Variants in FRMD4A observed in about 807,000 individuals in gnomAD.
FRMD4A encodes the protein FERM domain-containing protein 4A.
In FRMD4A, 29 loss-of-function variants were observed where a neutral mutation model predicts 129.1. The observed-to-expected ratio is 0.22, with a 90% CI of 0.17 to 0.31. FRMD4A has a LOEUF of 0.31. Ranked by LOEUF, FRMD4A falls within the 10% of genes least tolerant of loss-of-function variation. The probability of loss-of-function intolerance (pLI) is 1.00; values close to 1 mark genes in which losing one functional copy is unlikely to be tolerated. For missense variants in FRMD4A, 1,272 were observed against 1,375.8 expected (o/e 0.92, Z 1.19); for synonymous variants, 634 against 571.6 (o/e 1.11, Z -1.56).
At position 13,821,664 on chromosome 10, in the gene FRMD4A, A is replaced by G. The variant is rs558605344; in HGVS notation, c.112-10756T>C. 3.3e-5 allele frequency among the ~76,000 whole-genome samples: 5 copies of G among 152,314 alleles called. No individual in the cohort carries two copies. Among genetic ancestry groups the G allele is most frequent in the African/African-American group, 1.2e-4 (5 of 41,564 alleles). ...GACACCAGGATTGCCCCCATGTGAT[A>G]GAGGGAACTGAGATACAGCCAGAGA... On this transcript the variant is annotated intron_variant, in intron 3 of 24. Transcript: ENST00000357447. This position sits in a 1 kb window ranked among gnomAD's most constrained non-coding sequence, Gnocchi z 4.3.
chr10:14,006,610 CA>C (rs1188545403), intron 2 of FRMD4A, among the ~76,000 whole-genome samples: 1 of 152,104 alleles, frequency 6.6e-6, no homozygotes. Flanking sequence ...ACTATGTGCT[CA>C]ATGTGGCCAT....
At chr10:14,030,396 A>C (rs1319488183) in intron 2 of FRMD4A, among the ~76,000 whole-genome samples, 10 of 152,248 alleles carry the variant, frequency 6.6e-5, no homozygotes, top group Non-Finnish European at 1.5e-4. Flanking sequence ...TACACCTTAA[A>C]TACATACAAT....
At chr10:14,079,211 A>G (rs910734611) in intron 2 of FRMD4A, among the ~76,000 whole-genome samples, 2 of 152,170 alleles carry the variant, frequency 1.3e-5, no homozygotes, top group African/African-American at 4.8e-5. Flanking sequence ...TGGGGAGTTT[A>G]CATACGGAGG....
At chr10:14,130,600 G>A (rs1434995922) in intron 2 of FRMD4A, among the ~76,000 whole-genome samples, 2 of 152,158 alleles carry the variant, frequency 1.3e-5, no homozygotes, top group Non-Finnish European at 2.9e-5. Flanking sequence ...GGCATGTTTG[G>A]TGTGTAAAAA....
At chr10:13,959,397 G>A (rs534852963) in intron 2 of FRMD4A, among the ~76,000 whole-genome samples, 2 of 142,752 alleles carry the variant, frequency 1.4e-5, no homozygotes, top group East Asian at 2.2e-4. Flanking sequence ...GTTTGAACCC[G>A]GGAGGCAGAG....
intron 2 of FRMD4A, among the ~76,000 whole-genome samples, chr10:14,156,154 G>A (rs1840586100): frequency 6.6e-6 from 1 of 152,170 alleles, no homozygotes; most frequent in Admixed American, 6.5e-5. Context: ...AACGGATCAT[G>A]ACTTGCGGTA....
intron 2 of FRMD4A, among the ~76,000 whole-genome samples, chr10:13,882,900 C>A (rs2094563783): frequency 6.6e-6 from 1 of 151,422 alleles, no homozygotes; most frequent in South Asian, 2.1e-4. Flanking sequence ...GCCTTCTGGG[C>A]TCAAGCAATC....
At chr10:13,726,190 C>T (rs2089876722) in intron 12 of FRMD4A, among the ~76,000 whole-genome samples, 1 of 152,132 alleles carries the variant, frequency 6.6e-6, no homozygotes, top group Non-Finnish European at 1.5e-5. Flanking sequence ...GGGAGGATTG[C>T]TTGAGCCCAG....
chr10:14,016,293 C>T (rs1314303140), intron 2 of FRMD4A, among the ~76,000 whole-genome samples: 1 of 152,218 alleles, frequency 6.6e-6, no homozygotes, highest in Non-Finnish European at 1.5e-5. Context: ...TTCATCATAG[C>T]GAGCATCAGT....
At chr10:14,234,299 G>C (rs1400434915) in intron 2 of FRMD4A, among the ~76,000 whole-genome samples, 1 of 152,138 alleles carries the variant, frequency 6.6e-6, no homozygotes, top group Non-Finnish European at 1.5e-5. Flanking sequence ...TTGAGTCCCT[G>C]GTGAAATGTC....
At chr10:13,867,799 TATAATAA>T (rs914485893) in intron 2 of FRMD4A, among the ~76,000 whole-genome samples, 2 of 134,464 alleles carry the variant, frequency 1.5e-5, no homozygotes, top group East Asian at 3.9e-4. Flanking sequence ...TAATATAATA[TATAATAA>T]ATAATACATA....
chr10:14,055,347 A>C (rs1834459253), intron 2 of FRMD4A, among the ~76,000 whole-genome samples: 1 of 152,064 alleles, frequency 6.6e-6, no homozygotes, highest in South Asian at 2.1e-4. Flanking sequence ...GATGTTTCCC[A>C]TCAAGGCAGT....
chr10:14,255,713 A>G (rs1298859665), intron 2 of FRMD4A, among the ~76,000 whole-genome samples: 1 of 152,114 alleles, frequency 6.6e-6, no homozygotes, highest in Non-Finnish European at 1.5e-5. Flanking sequence ...TTGAGTTTAA[A>G]TTTTGGTTGC....
intron 2 of FRMD4A, among the ~76,000 whole-genome samples, chr10:14,235,419 A>C (rs1018119273): frequency 1.3e-5 from 2 of 152,006 alleles, no homozygotes; most frequent in Non-Finnish European, 2.9e-5. Context: ...AAGTGCTGGG[A>C]TTACAGGCGT....
intron 2 of FRMD4A, among the ~76,000 whole-genome samples, chr10:13,968,936 C>T (rs191704391): frequency 1.7e-4 from 26 of 152,120 alleles, no homozygotes; most frequent in Admixed American, 1.3e-4. Context: ...GCAGTTCTTG[C>T]GTTCTTGGCT....
intron 2 of FRMD4A, among the ~76,000 whole-genome samples, chr10:14,034,827 C>T (rs180777437): frequency 6.6e-6 from 1 of 152,228 alleles, no homozygotes; most frequent in Non-Finnish European, 1.5e-5. Context: ...TGCCTCCCCT[C>T]ATTGGCTTTC....
chr10:13,733,971 C>A (rs1410542178), intron 12 of FRMD4A, among the ~76,000 whole-genome samples: 2 of 152,218 alleles, frequency 1.3e-5, no homozygotes, highest in Non-Finnish European at 2.9e-5. Flanking sequence ...TGAGCTCCAG[C>A]TGAATGCCCA....
chr10:14,014,596 A>G (rs1486468746), intron 2 of FRMD4A, among the ~76,000 whole-genome samples: 5 of 152,176 alleles, frequency 3.3e-5, no homozygotes, highest in Non-Finnish European at 5.9e-5. Context: ...GGCTGCCTAC[A>G]TCCATAATTT....
intron 2 of FRMD4A, among the ~76,000 whole-genome samples, chr10:13,969,466 C>T (rs2095504903): frequency 6.6e-6 from 1 of 152,230 alleles, no homozygotes; most frequent in African/African-American, 2.4e-5. Context: ...GCCAATCATT[C>T]AGCACTCTCT....
Sources: gnomAD v4.1 joint callset for allele counts (sites outside exome capture counted in the v4.1 genomes callset) on GRCh38, gnomAD v4.1.1 for gene constraint, Gnocchi (gnomAD v3.1) non-coding constraint, MANE v1.5 for transcripts, NCBI Gene and HGNC (gene_info 2026-07-23, HGNC 2026-07-21) for gene names.